Variants in MON2 observed in about 807,000 individuals in gnomAD.
The protein encoded by MON2 is protein MON2 homolog.
A neutral mutation model predicts 208.6 loss-of-function variants in MON2; 84 were observed. The ratio of observed to expected loss-of-function variants is 0.40; its 90% CI spans 0.34 to 0.48. The LOEUF (loss-of-function observed/expected upper bound fraction) is 0.48, where lower values mean the gene tolerates loss of function less well. Among genes scored for constraint, MON2 ranks in the 20% least tolerant of loss-of-function variants. The pLI is 0.59. For missense variants in MON2, 1,611 were observed against 2,015.4 expected (o/e 0.80, Z 3.84); for synonymous variants, 660 against 694.0 (o/e 0.95, Z 0.77).
intron 12 of MON2, among the ~76,000 whole-genome samples, chr12:62,533,552 GTC>G (rs1251635892): frequency 6.6e-6 from 1 of 152,180 alleles, no homozygotes; most frequent in African/African-American, 2.4e-5. Flanking sequence ...TGACCCGTGT[GTC>G]CTTTGGACAT....
At chr12:62,555,954 T>C (rs373248393) in intron 24 of MON2, 40 bp from the exon 25 acceptor site, 483 of 1,427,290 alleles carry the variant, frequency 3.4e-4, no homozygotes, top group Non-Finnish European at 4.4e-4. Context: ...TTAAGCTATA[T>C]TATCAATGCA....
intron 29 of MON2, 129 bp from the exon 30 acceptor site, chr12:62,571,263 T>G (rs780898225): frequency 5.6e-6 from 4 of 710,074 alleles, no homozygotes; most frequent in Non-Finnish European, 8.6e-6. Context: ...ACATCCTTTT[T>G]AAATGAAAAT....
chr12:62,571,329 C>G, intron 29 of MON2, 63 bp from the exon 30 acceptor site: 1 of 1,190,882 alleles, frequency 8.4e-7, no homozygotes, highest in Admixed American at 2.7e-5. Flanking sequence ...TGTAGTTTTT[C>G]TTAATTAAAA....
rs776258647 is a variant in MON2 at position 62,532,675 on chromosome 12, G to T, written c.1633+5G>T. On this transcript the variant is annotated splice_donor_5th_base_variant and intron_variant, in intron 12 of 34. Transcript: ENST00000393630. Reference sequence around the variant, plus strand: ...ACCAAATGGATAAGGAAATTGGTATGAGTCTGTATTTTTAATTTTTATTGG... The same window carrying T: ...ACCAAATGGATAAGGAAATTGGTATTAGTCTGTATTTTTAATTTTTATTGG... 6.3e-7 allele frequency: 1 copy of T among 1,580,608 alleles called. No homozygotes were observed. Among genetic ancestry groups the T allele is most frequent in the South Asian group, 1.1e-5 (1 of 89,088 alleles).
chr12:62,501,400 A>T (rs2070823514), intron 6 of MON2, among the ~76,000 whole-genome samples, 173 bp from the exon 7 acceptor site: 1 of 152,226 alleles, frequency 6.6e-6, no homozygotes, highest in African/African-American at 2.4e-5. Context: ...GTTTACTTAT[A>T]TAATCTATCA....
chr12:62,536,049 A>C (rs1232661936), intron 14 of MON2, among the ~76,000 whole-genome samples: 1 of 152,198 alleles, frequency 6.6e-6, no homozygotes, highest in Admixed American at 6.5e-5. Context: ...ATGCATAAGT[A>C]TATATAATAT....
At chr12:62,489,216 A>G (rs925346703) in intron 2 of MON2, among the ~76,000 whole-genome samples, 4 of 152,116 alleles carry the variant, frequency 2.6e-5, no homozygotes, top group Non-Finnish European at 5.9e-5. Context: ...ATGAAAGTTT[A>G]TACCTTTACC....
At chr12:62,578,018 A>G (rs1232100098) in intron 30 of MON2, among the ~76,000 whole-genome samples, 2 of 152,160 alleles carry the variant, frequency 1.3e-5, no homozygotes, top group Non-Finnish European at 2.9e-5. Flanking sequence ...TATTTATTAC[A>G]AATTAATGAT....
Position 62,592,767 on chromosome 12 carries a change from G to T in MON2, c.*18G>T. 6.4e-7 allele frequency: 1 copy of T among 1,552,004 alleles called. No homozygotes were observed. The highest frequency in any genetic ancestry group is 8.8e-7 in the Non-Finnish European group (1 of 1,135,754). On this transcript the variant is annotated 3_prime_UTR_variant, in exon 35 of 35. Transcript: ENST00000393630. Reference sequence around the variant, plus strand: ...AATCTTGACCGGCTACAATATATTTGAAAGCAGGAAGATAGTCTAAAAAAT... The same window carrying T: ...AATCTTGACCGGCTACAATATATTTTAAAGCAGGAAGATAGTCTAAAAAAT...
intron 12 of MON2, among the ~76,000 whole-genome samples, chr12:62,532,929 T>C (rs1358637688): frequency 6.6e-6 from 1 of 152,202 alleles, no homozygotes; most frequent in African/African-American, 2.4e-5. Flanking sequence ...GTTAGTCTCC[T>C]GTGTATCATA....
intron 14 of MON2, 61 bp from the exon 15 acceptor site, chr12:62,537,090 A>C (rs548696807): frequency 1.0e-6 from 1 of 1,003,066 alleles, no homozygotes; most frequent in African/African-American, 1.7e-5. Context: ...TAAATATAAC[A>C]TTACTTTAAA....
chr12:62,578,432 T>TG lies in MON2; in HGVS notation c.4515-13_4515-12insG, dbSNP rs2074873539. The stretch of plus-strand genomic sequence containing the variant: ...TATTTTATCTTTAAAAATCAAGTGT[T>TG]TTTTTTTTTTAGCATACCTCCAGAT... On this transcript the variant is annotated splice_polypyrimidine_tract_variant and intron_variant, in intron 30 of 34. Coordinates refer to ENST00000393630, the MANE Select transcript of MON2 (RefSeq NM_015026.3). 1.5e-6 allele frequency: 2 copies of TG among 1,343,402 alleles called. No individual in the cohort carries two copies. The highest frequency in any genetic ancestry group is 1.5e-5 in the African/African-American group (1 of 66,218). The allele number at this position is 1,343,402 out of a possible 1,614,324, so 83.2% of individuals were successfully genotyped here.
chr12:62,497,725 C>G (rs1378480683), intron 4 of MON2, among the ~76,000 whole-genome samples: 1 of 152,136 alleles, frequency 6.6e-6, no homozygotes, highest in Admixed American at 6.5e-5. Context: ...AAGGAATTCT[C>G]GTGCCTCAGG....
intron 23 of MON2, among the ~76,000 whole-genome samples, chr12:62,550,926 T>C (rs1266612935): frequency 2.1e-5 from 3 of 144,290 alleles, no homozygotes; most frequent in African/African-American, 7.7e-5. Flanking sequence ...TTTTTTTTTT[T>C]TTTTTTTTCT....
At chr12:62,473,752 A>G (rs1156437205) in intron 1 of MON2, among the ~76,000 whole-genome samples, 1 of 151,684 alleles carries the variant, frequency 6.6e-6, no homozygotes, top group African/African-American at 2.4e-5. Flanking sequence ...GTATTTTTTC[A>G]TAGTGACAGG....
chr12:62,478,888 A>T (rs2069241385), intron 1 of MON2, among the ~76,000 whole-genome samples: 1 of 152,172 alleles, frequency 6.6e-6, no homozygotes, highest in Non-Finnish European at 1.5e-5. Flanking sequence ...AAGGTACAAG[A>T]TAGGTTAACC....
chr12:62,500,853 T>C lies in MON2; in HGVS notation c.636T>C (p.Cys212=), dbSNP rs903654041. 24 of 1,584,852 alleles carry C rather than the reference T, an allele frequency of 1.5e-5. No homozygotes were observed. The East Asian group carries it at 5.3e-4, about 35-fold the overall frequency. Residue 212 remains cysteine (C), a synonymous_variant, in exon 6 of 35, where the codon TGT becomes TGC. Transcript: ENST00000393630. ...NRRSVSTLKP[C]AKDAYMLFQD... is the part of the protein sequence containing the mutation. ...GATCTGTCAGTACCCTCAAACCTTG[T>C]GCTAAAGATGCATATATGCTTTTCC...
chr12:62,476,466 G>A (rs1592808693), intron 1 of MON2, among the ~76,000 whole-genome samples: 1 of 149,238 alleles, frequency 6.7e-6, no homozygotes, highest in Admixed American at 6.7e-5. Flanking sequence ...GCAGAGTCTC[G>A]CTCCATTGCC....
At chr12:62,472,406 A>G (rs1353317809) in intron 1 of MON2, among the ~76,000 whole-genome samples, 1 of 152,216 alleles carries the variant, frequency 6.6e-6, no homozygotes, top group East Asian at 1.9e-4. Flanking sequence ...AATTGGATAG[A>G]TTCCTTTTCT....
Sources: gnomAD v4.1 joint callset for allele counts (sites outside exome capture counted in the v4.1 genomes callset) on GRCh38, gnomAD v4.1.1 for gene constraint, MANE v1.5 for transcripts, NCBI Gene and HGNC (gene_info 2026-07-23, HGNC 2026-07-21) for gene names.